NR3C2: variants seen among roughly 807,000 people sequenced by gnomAD.
NR3C2 encodes the protein nuclear receptor subfamily 3 group C member 2.
In NR3C2, 15 loss-of-function variants were observed where a neutral mutation model predicts 86.4. The observed-to-expected ratio is 0.17, with a 90% CI of 0.12 to 0.27. The LOEUF is 0.27. Ranked by LOEUF, NR3C2 falls within the 10% of genes least tolerant of loss-of-function variation. NR3C2 has a pLI of 1.00. For missense variants in NR3C2, 960 were observed against 1,195.6 expected, an observed-to-expected ratio of 0.80 and a Z score of 2.91; for synonymous variants, 458 against 450.5, an observed-to-expected ratio of 1.02 and a Z score of -0.21.
At chr4:148,286,799 C>T (rs1307297813) in intron 2 of NR3C2, among the ~76,000 whole-genome samples, 2 of 152,182 alleles carry the variant, frequency 1.3e-5, no homozygotes, top group Non-Finnish European at 2.9e-5. Flanking sequence ...CATAACTATA[C>T]CAACTGAACA....
intron 2 of NR3C2, among the ~76,000 whole-genome samples, chr4:148,399,757 C>T (rs1748049977): frequency 1.3e-5 from 2 of 151,932 alleles, no homozygotes; most frequent in South Asian, 4.2e-4. Context: ...ATATTTTAGG[C>T]ATCCTTCCAT....
chr4:148,279,089 G>A (rs1048934616), intron 2 of NR3C2, among the ~76,000 whole-genome samples: 1 of 152,166 alleles, frequency 6.6e-6, no homozygotes, highest in Non-Finnish European at 1.5e-5. Flanking sequence ...CTTGAACTCA[G>A]GAGGCGGAGG....
At chr4:148,220,306 T>G (rs1294613328) in intron 3 of NR3C2, among the ~76,000 whole-genome samples, 1 of 152,148 alleles carries the variant, frequency 6.6e-6, no homozygotes, top group Non-Finnish European at 1.5e-5. Flanking sequence ...CAGTCTGGTC[T>G]TGAACTCCTG....
chr4:148,304,751 C>T (rs1259533347), intron 2 of NR3C2, among the ~76,000 whole-genome samples: 1 of 152,100 alleles, frequency 6.6e-6, no homozygotes, highest in African/African-American at 2.4e-5. Flanking sequence ...CTGCAGCTGA[C>T]TGGGGGCCTG....
chr4:148,229,777 GT>G (rs931474645), intron 3 of NR3C2, among the ~76,000 whole-genome samples: 4 of 152,140 alleles, frequency 2.6e-5, no homozygotes, highest in Non-Finnish European at 4.4e-5. Flanking sequence ...GATAGTTTAC[GT>G]TTTTTATAAG....
At chr4:148,339,723 A>T (rs1304930477) in intron 2 of NR3C2, among the ~76,000 whole-genome samples, 1 of 152,228 alleles carries the variant, frequency 6.6e-6, no homozygotes, top group Non-Finnish European at 1.5e-5. Flanking sequence ...GACAAGAAAA[A>T]TAAATAAATG....
intron 2 of NR3C2, among the ~76,000 whole-genome samples, chr4:148,334,994 T>C (rs1438524774): frequency 6.6e-6 from 1 of 152,220 alleles, no homozygotes; most frequent in African/African-American, 2.4e-5. Flanking sequence ...GGTATCTGTG[T>C]CCCAATTTCC....
intron 2 of NR3C2, among the ~76,000 whole-genome samples, chr4:148,343,247 T>C (rs1546529): frequency 0.65 from 99,295 of 151,978 alleles, 33,924 homozygotes; most frequent in Non-Finnish European, 0.76. Flanking sequence ...TAGCTGTCCT[T>C]CATTCTGCTG....
At chr4:148,257,751 C>A (rs1038464487) in intron 3 of NR3C2, among the ~76,000 whole-genome samples, 1 of 151,940 alleles carries the variant, frequency 6.6e-6, no homozygotes, top group Non-Finnish European at 1.5e-5. Context: ...ACAAAAAATA[C>A]AAAAACACAA....
intron 2 of NR3C2, among the ~76,000 whole-genome samples, chr4:148,271,043 A>G (rs1435607098): frequency 6.6e-6 from 1 of 152,192 alleles, no homozygotes; most frequent in East Asian, 1.9e-4. Flanking sequence ...TATGTGGGCA[A>G]TAGTGCTCTA....
At position 148,081,515 on chromosome 4, in the gene NR3C2, A is replaced by T; in HGVS notation, c.2800-16T>A. 2 of 1,613,854 alleles carry T rather than the reference A, an allele frequency of 1.2e-6. No individual in the cohort carries two copies. The highest frequency in any genetic ancestry group is 1.7e-6 in the Non-Finnish European group (2 of 1,179,816). ...CGCTCACCAGCTGTAACACAGACAC[A>T]GGGGGCATGACACGGGGGCCTCCTT... On this transcript the variant is annotated splice_polypyrimidine_tract_variant and intron_variant, in intron 8 of 8. Transcript: ENST00000358102.
intron 2 of NR3C2, among the ~76,000 whole-genome samples, chr4:148,309,931 T>C (rs1052259432): frequency 1.3e-4 from 20 of 151,246 alleles, no homozygotes; most frequent in African/African-American, 4.6e-4. Context: ...TAAACGATGG[T>C]GAATAAATAA....
intron 3 of NR3C2, among the ~76,000 whole-genome samples, chr4:148,229,324 C>G (rs1036571391): frequency 6.6e-6 from 1 of 152,124 alleles, no homozygotes; most frequent in Non-Finnish European, 1.5e-5. Context: ...GTTGGCAGAA[C>G]CCCCTCTTTC....
At chr4:148,232,349 T>C (rs1037961048) in intron 3 of NR3C2, among the ~76,000 whole-genome samples, 2 of 152,242 alleles carry the variant, frequency 1.3e-5, no homozygotes, top group Non-Finnish European at 2.9e-5. Context: ...GAAAACAACA[T>C]TAATTTCCCT....
At chr4:148,444,550 C>A, upstream of NR3C2, 1 of 987,660 alleles carries the variant, frequency 1.0e-6, no homozygotes, top group African/African-American at 1.7e-5. Flanking sequence ...GGTGGGGAGG[C>A]TGGGGCGGGG....
intron 6 of NR3C2, among the ~76,000 whole-genome samples, chr4:148,130,794 TTTTTGTTTTGTTTTG>T (rs1190061685): frequency 3.5e-5 from 4 of 114,312 alleles, no homozygotes; most frequent in South Asian, 3.3e-4. Context: ...CACGTTTTTT[TTTTTGTTTTGTTTTG>T]TTTTGTTTTG....
At chr4:148,364,219 C>A (rs963587683) in intron 2 of NR3C2, among the ~76,000 whole-genome samples, 12 of 152,222 alleles carry the variant, frequency 7.9e-5, no homozygotes, top group Admixed American at 2.0e-4. Flanking sequence ...TTGATTAATA[C>A]CTTTAAATAA....
chr4:148,391,655 T>C (rs1579242600), intron 2 of NR3C2, among the ~76,000 whole-genome samples: 1 of 152,142 alleles, frequency 6.6e-6, no homozygotes, highest in East Asian at 1.9e-4. Context: ...TCACCTGAGG[T>C]CAGGAGTTTG....
intron 2 of NR3C2, among the ~76,000 whole-genome samples, chr4:148,271,024 C>A (rs1740653798): frequency 3.3e-5 from 5 of 152,020 alleles, no homozygotes. Flanking sequence ...AAAAATTATT[C>A]TTTACTATTA....
Sources: allele counts gnomAD v4.1 joint callset (sites outside exome capture counted in the v4.1 genomes callset), GRCh38; gene constraint gnomAD v4.1.1; transcripts MANE v1.5; gene names NCBI Gene and HGNC (gene_info 2026-07-23, HGNC 2026-07-21).